CELF4: variants seen among roughly 807,000 people sequenced by gnomAD.
CELF4 encodes the protein CUGBP Elav-like family member 4, also known as CUG-BP- and ETR-3-like factor 4.
In CELF4, 18 loss-of-function variants were observed where a neutral mutation model predicts 59.9. That is an observed-to-expected ratio of 0.30 (90% confidence interval 0.21 to 0.45). The LOEUF is 0.45. Among genes scored for constraint, CELF4 ranks in the 20% least tolerant of loss-of-function variants. The pLI is 1.00. For synonymous variants in CELF4, 261 were observed against 267.1 expected (o/e 0.98, Z 0.22); for missense variants, 456 against 689.0 (o/e 0.66, Z 3.79).
chr18:37,486,864 A>T (rs1215820738), intron 1 of CELF4, among the ~76,000 whole-genome samples: 1 of 152,044 alleles, frequency 6.6e-6, no homozygotes, highest in Non-Finnish European at 1.5e-5. Context: ...CCTCTTCCCC[A>T]TGTTCACTTC....
Position 37,306,668 on chromosome 18 carries a change from A to G in CELF4, c.448+15135T>C, listed in dbSNP as rs141408969. On this transcript the variant is annotated intron_variant, in intron 3 of 12. Coordinates refer to ENST00000420428, the MANE Select transcript of CELF4 (RefSeq NM_020180.4). ...CAGCCTTGTGCTTGGACTCTGGCCAATCACTGACAAGAGCCCTTCAGTGGC... is the reference window on the plus strand; with the variant it reads ...CAGCCTTGTGCTTGGACTCTGGCCAGTCACTGACAAGAGCCCTTCAGTGGC... Among the ~76,000 whole-genome samples, 237 of 152,284 alleles carry G rather than the reference A, an allele frequency of 1.6e-3. 1 individual carries two copies. The highest frequency in any genetic ancestry group is 5.5e-3 in the African/African-American group (230 of 41,564).
At chr18:37,324,773 A>G (rs1257240190) in intron 2 of CELF4, among the ~76,000 whole-genome samples, 1 of 152,220 alleles carries the variant, frequency 6.6e-6, no homozygotes, top group Non-Finnish European at 1.5e-5. Context: ...AACAGCTGCT[A>G]TACTGATCGC....
Position 37,254,431 on chromosome 18 carries a change from G to A in CELF4, c.1334-493C>T, listed in dbSNP as rs1461002918. 6.6e-6 allele frequency among the ~76,000 whole-genome samples: 1 copy of A among 151,850 alleles called. No individual in the cohort carries two copies. Among genetic ancestry groups the A allele is most frequent in the African/African-American group, 2.4e-5 (1 of 41,370 alleles). ...GGGGCCGGGAGGGAGGCGCCGCCGA[G>A]AAACTTCTCCACCGCCGGCCCGGCC... is the stretch of plus-strand genomic sequence containing the variant. On this transcript the variant is annotated intron_variant, in intron 11 of 12. Coordinates refer to ENST00000420428, the MANE Select transcript of CELF4 (RefSeq NM_020180.4). The surrounding 1 kb of genome is among the most constrained non-coding windows in gnomAD (Gnocchi z 5.1).
At chr18:37,403,407 A>T (rs956749599) in intron 2 of CELF4, among the ~76,000 whole-genome samples, 1 of 152,128 alleles carries the variant, frequency 6.6e-6, no homozygotes, top group African/African-American at 2.4e-5. Context: ...CCCTCCATGG[A>T]GGCGAGGCCA....
chr18:37,293,540 T>G (rs975892796), intron 3 of CELF4, among the ~76,000 whole-genome samples: 2 of 152,158 alleles, frequency 1.3e-5, no homozygotes, highest in Non-Finnish European at 2.9e-5. Context: ...AATACCCTAT[T>G]TCCAAATAAG....
intron 1 of CELF4, among the ~76,000 whole-genome samples, chr18:37,501,850 C>T (rs1028286272): frequency 2.0e-5 from 3 of 152,330 alleles, no homozygotes; most frequent in Admixed American, 6.5e-5. Flanking sequence ...TTGACCAGCA[C>T]GGGCTGCCTC....
chr18:37,427,343 A>G (rs181686361), intron 2 of CELF4, among the ~76,000 whole-genome samples: 116 of 152,210 alleles, frequency 7.6e-4, no homozygotes, highest in African/African-American at 2.7e-3. Flanking sequence ...CCCCCTCCCA[A>G]TGGACTCCCA....
chr18:37,542,715 A>G (rs1208836076), intron 1 of CELF4, among the ~76,000 whole-genome samples: 3 of 152,170 alleles, frequency 2.0e-5, no homozygotes, highest in East Asian at 1.9e-4. Flanking sequence ...CTCTCTTATT[A>G]TTATGATTAT....
rs2092160783 is a variant in CELF4, at chr18:37,273,223, G to C, written c.802-60C>G. 4 of 1,566,708 alleles carry C rather than the reference G, an allele frequency of 2.6e-6. No individual in the cohort carries two copies. In the East Asian group the frequency reaches 6.8e-5, roughly 27 times the overall value. ...TTCCAGGGGGCATCCCTCCCCGACA[G>C]GGGCCTCAGCTCCTGGAGACCAATC... On this transcript the variant is annotated intron_variant, in intron 6 of 12. Coordinates refer to ENST00000420428, the MANE Select transcript of CELF4 (RefSeq NM_020180.4).
intron 3 of CELF4, among the ~76,000 whole-genome samples, chr18:37,284,943 C>T (rs1011582153): frequency 6.6e-6 from 1 of 152,218 alleles, no homozygotes; most frequent in Non-Finnish European, 1.5e-5. Context: ...TGAGGGTCTT[C>T]CTTTTCCCCC....
At chr18:37,299,662 A>G (rs2095875145) in intron 3 of CELF4, among the ~76,000 whole-genome samples, 1 of 152,222 alleles carries the variant, frequency 6.6e-6, no homozygotes, top group Admixed American at 6.5e-5. Flanking sequence ...GCAGTTAAGT[A>G]TTTACAGATA....
At chr18:37,486,886 T>C (rs1043294609) in intron 1 of CELF4, among the ~76,000 whole-genome samples, 3 of 152,242 alleles carry the variant, frequency 2.0e-5, no homozygotes, top group African/African-American at 7.2e-5. Context: ...CCGAAACCCA[T>C]TGATCTTTCA....
chr18:37,444,100 C>T (rs998733365), intron 2 of CELF4, among the ~76,000 whole-genome samples: 1 of 152,132 alleles, frequency 6.6e-6, no homozygotes, highest in Non-Finnish European at 1.5e-5. Context: ...GGTTGCTGTG[C>T]TGATTAAATG....
intron 2 of CELF4, among the ~76,000 whole-genome samples, chr18:37,403,387 C>T (rs2099351731): frequency 6.6e-6 from 1 of 152,256 alleles, no homozygotes; most frequent in South Asian, 2.1e-4. Flanking sequence ...AAAAATAACA[C>T]AAGGAGTCAC....
intron 3 of CELF4, among the ~76,000 whole-genome samples, chr18:37,292,317 T>C (rs1043290713): frequency 4.6e-5 from 7 of 152,164 alleles, no homozygotes; most frequent in African/African-American, 1.4e-4. Flanking sequence ...CCAGTACAGG[T>C]ACATTTTAAC....
intron 1 of CELF4, among the ~76,000 whole-genome samples, chr18:37,489,426 G>T (rs2099892544): frequency 6.6e-6 from 1 of 152,124 alleles, no homozygotes; most frequent in South Asian, 2.1e-4. Flanking sequence ...GGGGGCCGGG[G>T]AAGAAAGGGT....
rs76408554 is a variant in CELF4, at chr18:37,545,509, G to A, written c.286+19847C>T. On this transcript the variant is annotated intron_variant, in intron 1 of 12. Transcript: ENST00000420428. ...ACACATGGGCTAGGCTCAGGAGATC[G>A]GTGTTTCTGGACAGAAGGACAGGCC... is the stretch of plus-strand genomic sequence containing the variant. 2.5e-3 allele frequency among the ~76,000 whole-genome samples: 386 copies of A among 152,282 alleles called. 4 individuals carry two copies. Among genetic ancestry groups the A allele is most frequent in the Non-Finnish European group, 2.3e-3 (155 of 68,016 alleles).
At chr18:37,532,242 C>G (rs2099970148) in intron 1 of CELF4, among the ~76,000 whole-genome samples, 1 of 152,236 alleles carries the variant, frequency 6.6e-6, no homozygotes, top group Non-Finnish European at 1.5e-5. Context: ...CAGCAGCTCC[C>G]CAAGTCAGCC....
chr18:37,273,816 G>A, intron 6 of CELF4: 1 of 989,686 alleles, frequency 1.0e-6, no homozygotes, highest in Non-Finnish European at 1.2e-6. Flanking sequence ...GCCCCCATGT[G>A]GAAGAAAGAA....
Sources: gnomAD v4.1 joint callset for allele counts (sites outside exome capture counted in the v4.1 genomes callset) on GRCh38, gnomAD v4.1.1 for gene constraint, Gnocchi (gnomAD v3.1) non-coding constraint, MANE v1.5 for transcripts, NCBI Gene and HGNC (gene_info 2026-07-23, HGNC 2026-07-21) for gene names.